TECPR2: variants seen among roughly 807,000 people sequenced by gnomAD.
The protein encoded by TECPR2 is tectonin beta-propeller repeat-containing protein 2.
Under a neutral mutation model 138.1 loss-of-function variants are expected in TECPR2, and 65 were observed. The ratio of observed to expected loss-of-function variants is 0.47; its 90% CI spans 0.39 to 0.58. The LOEUF (loss-of-function observed/expected upper bound fraction) is 0.58, where lower values mean the gene tolerates loss of function less well. TECPR2 is among the 20% of genes least tolerant of loss of function. TECPR2 has a pLI of 0.00. For synonymous variants in TECPR2, 746 were observed against 749.8 expected, an observed-to-expected ratio of 0.99 and a Z score of 0.08; for missense variants, 1,553 against 1,824.5, an observed-to-expected ratio of 0.85 and a Z score of 2.71.
intron 16 of TECPR2, among the ~76,000 whole-genome samples, chr14:102,454,850 C>G (rs1005733877): frequency 6.6e-6 from 1 of 152,244 alleles, no homozygotes; most frequent in East Asian, 1.9e-4. Flanking sequence ...CCCAGCCCCT[C>G]CAGGAAGGCT....
At chr14:102,427,239 AT>A (rs1889347652) in intron 6 of TECPR2, among the ~76,000 whole-genome samples, 1 of 152,192 alleles carries the variant, frequency 6.6e-6, no homozygotes, top group Non-Finnish European at 1.5e-5. Flanking sequence ...TTTTGAACTT[AT>A]GTGCACTTAT....
chr14:102,408,653 A>G, intron 4 of TECPR2, 34 bp downstream of exon 4: 1 of 1,564,912 alleles, frequency 6.4e-7, no homozygotes, highest in African/African-American at 1.4e-5. Context: ...GTTGGCTCTT[A>G]CCTTCTTACA....
At position 102,432,133 on chromosome 14, in the gene TECPR2, C is replaced by T. The variant is rs1344786677; in HGVS notation, c.1417+5C>T. The T allele has an allele frequency of 1.3e-6, 2 of 1,546,720 alleles. No homozygotes were observed. The highest frequency in any genetic ancestry group is 1.7e-6 in the Non-Finnish European group (2 of 1,143,184). ...AGAAGAAGAAGAAGAAGACAGGTACCCTCTGTAGCTGGCACACACCCATCT... is the reference window on the plus strand; with the variant it reads ...AGAAGAAGAAGAAGAAGACAGGTACTCTCTGTAGCTGGCACACACCCATCT... On this transcript the variant is annotated splice_donor_5th_base_variant and intron_variant, in intron 8 of 19. Transcript: ENST00000359520.
At chr14:102,442,798 G>A (rs1239220978) in intron 11 of TECPR2, among the ~76,000 whole-genome samples, 1 of 152,254 alleles carries the variant, frequency 6.6e-6, no homozygotes, top group Admixed American at 6.5e-5. Flanking sequence ...TGAGTACTGA[G>A]ACCTAATTGC....
intron 6 of TECPR2, among the ~76,000 whole-genome samples, chr14:102,426,606 T>C (rs1421322733): frequency 1.3e-5 from 2 of 152,130 alleles, no homozygotes; most frequent in Admixed American, 6.6e-5. Flanking sequence ...TCCCAGCACT[T>C]TGGGCACTTT....
chr14:102,410,940 T>TC (rs1257127971), intron 4 of TECPR2, among the ~76,000 whole-genome samples: 2 of 152,424 alleles, frequency 1.3e-5, no homozygotes, highest in South Asian at 4.1e-4. Context: ...CACTCTCTAA[T>TC]CAGATATCCT....
At chr14:102,368,022 T>C (rs1489911819) in intron 1 of TECPR2, among the ~76,000 whole-genome samples, 4 of 135,668 alleles carry the variant, frequency 2.9e-5, no homozygotes, top group Non-Finnish European at 6.4e-5. Context: ...TTTTTTTTTT[T>C]TTGGAAATAA....
rs1157806139 is a variant in TECPR2, at chr14:102,367,974, C to A, written c.-73+4858C>A. Among the ~76,000 whole-genome samples, 4 of 68,170 alleles carry A rather than the reference C, an allele frequency of 5.9e-5. No homozygotes were observed. In the East Asian group the frequency reaches 2.2e-3, roughly 38 times the overall value. The allele number at this position is 68,170 out of a possible 152,430, so 44.7% of individuals were successfully genotyped here. ...CCTGATGAGTAATGGTGCTGAACAT[C>A]TTTTTATGTGCTTATTGGCCTTTTT... On this transcript the variant is annotated intron_variant, in intron 1 of 19. Coordinates refer to ENST00000359520, the MANE Select transcript of TECPR2 (RefSeq NM_014844.5).
chr14:102,499,268 G>T lies in TECPR2; in HGVS notation c.*1011G>T, dbSNP rs1595154275. 1.5e-6 allele frequency: 1 copy of T among 654,124 alleles called. No homozygotes were observed. Among genetic ancestry groups the T allele is most frequent in the Non-Finnish European group, 2.8e-6 (1 of 355,246 alleles). 40.5% of individuals were successfully genotyped at this position (654,124 alleles called of 1,614,324 possible). A position where few individuals can be genotyped will look rare whatever the true frequency, so the allele number is the denominator to read the frequency against. On this transcript the variant is annotated 3_prime_UTR_variant, in exon 20 of 20. Coordinates refer to ENST00000359520, the MANE Select transcript of TECPR2 (RefSeq NM_014844.5). ...TGGTGTTTAACTAATGCTGCTGGCG[G>T]ACATCCTAAAACCAGATGCATCCTC...
chr14:102,443,396 A>G lies in TECPR2; in HGVS notation c.2753-251A>G, dbSNP rs1280926932. On this transcript the variant is annotated intron_variant, in intron 11 of 19. Transcript: ENST00000359520. This position sits in a 1 kb window ranked among gnomAD's most constrained non-coding sequence, Gnocchi z 4.9. The stretch of plus-strand genomic sequence containing the variant: ...CCGGACAGGGCAGCTCCTGCCTGTA[A>G]TCCCAGCACTTTGGGAGGCTGAGGT... Among the ~76,000 whole-genome samples the G allele has an allele frequency of 6.6e-6, 1 of 152,162 alleles. No individual in the cohort carries two copies. Among genetic ancestry groups the G allele is most frequent in the African/African-American group, 2.4e-5 (1 of 41,436 alleles).
rs1567336404 is a variant in TECPR2, at chr14:102,428,225, T to TTG, written c.952-24_952-23insGT. On this transcript the variant is annotated intron_variant, in intron 6 of 19. Transcript: ENST00000359520. ...GTTGTTTAGTTTTGTGTTTTTTGTT[T>TTG]TTTTTTTTTTTTTTTTTTTGACAGG... The TTG allele has an allele frequency of 6.4e-6, 6 of 943,346 alleles. No individual in the cohort carries two copies. The South Asian group carries it at 9.8e-5, about 15-fold the overall frequency. The allele number at this position is 943,346 out of a possible 1,614,324, so 58.4% of individuals were successfully genotyped here.
At chr14:102,386,399 G>A (rs1567318995) in intron 2 of TECPR2, among the ~76,000 whole-genome samples, 3 of 152,124 alleles carry the variant, frequency 2.0e-5, no homozygotes, top group African/African-American at 4.8e-5. Context: ...GAACCCAGGA[G>A]GTGGAGGTTG....
chr14:102,440,745 G>A (rs967378530), intron 11 of TECPR2, 136 bp downstream of exon 11: 1 of 1,173,974 alleles, frequency 8.5e-7, no homozygotes, highest in East Asian at 2.6e-5. Flanking sequence ...ACACTTCTGG[G>A]AAGAGAGTAT....
chr14:102,457,377 G>A (rs764157459), intron 16 of TECPR2, among the ~76,000 whole-genome samples: 27 of 152,118 alleles, frequency 1.8e-4, no homozygotes, highest in Non-Finnish European at 3.4e-4. Flanking sequence ...GAGCCACTGC[G>A]CCTGACCCAA....
intron 4 of TECPR2, among the ~76,000 whole-genome samples, chr14:102,410,210 G>A (rs566699377): frequency 5.9e-5 from 9 of 152,142 alleles, no homozygotes; most frequent in Non-Finnish European, 8.8e-5. Context: ...TTCAAAACAG[G>A]TGAGAAGAGT....
At chr14:102,402,715 T>G (rs1220211750) in intron 2 of TECPR2, among the ~76,000 whole-genome samples, 1 of 152,154 alleles carries the variant, frequency 6.6e-6, no homozygotes, top group East Asian at 1.9e-4. Context: ...AGACCCTTAC[T>G]ATTGATTCAA....
chr14:102,491,078 G>C (rs1891149019), intron 17 of TECPR2, among the ~76,000 whole-genome samples: 1 of 151,100 alleles, frequency 6.6e-6, no homozygotes, highest in Admixed American at 6.6e-5. Context: ...ACTTCTAGTA[G>C]AGATGGGGTT....
At chr14:102,375,339 G>A (rs1258411466) in intron 1 of TECPR2, among the ~76,000 whole-genome samples, 1 of 151,670 alleles carries the variant, frequency 6.6e-6, no homozygotes, top group Non-Finnish European at 1.5e-5. Flanking sequence ...GAGTGAGACT[G>A]TGTCTCAAAA....
rs1193067635 is a variant in TECPR2 at position 102,502,320 on chromosome 14, G to GA, written c.*4064dup. The GA allele has an allele frequency of 6.6e-6, 1 of 152,642 alleles. No individual in the cohort carries two copies. Among genetic ancestry groups the GA allele is most frequent in the Non-Finnish European group, 1.5e-5 (1 of 68,046 alleles). The allele number at this position is 152,642 out of a possible 1,614,324, so 9.5% of individuals were successfully genotyped here. On this transcript the variant is annotated 3_prime_UTR_variant, in exon 20 of 20. Coordinates refer to ENST00000359520, the MANE Select transcript of TECPR2 (RefSeq NM_014844.5). ...GTTTGAAATTTTTCATAACTCCGGG[G>GA]AGGAGCAAGAGGGGTGAAAAGAAAC...
Sources: allele counts gnomAD v4.1 joint callset (sites outside exome capture counted in the v4.1 genomes callset), GRCh38; gene constraint gnomAD v4.1.1; non-coding constraint Gnocchi (gnomAD v3.1); transcripts MANE v1.5; gene names NCBI Gene and HGNC (gene_info 2026-07-23, HGNC 2026-07-21).